The following TRIM66 variants were observed in gnomAD, a reference collection of about 807,000 sequenced individuals.
TRIM66 encodes the protein tripartite motif-containing protein 66.
In TRIM66, 99 loss-of-function variants were observed where a neutral mutation model predicts 148.2. The observed-to-expected ratio is 0.67, with a 90% CI of 0.57 to 0.79. TRIM66 has a LOEUF of 0.79. Ranked by LOEUF, TRIM66 falls within the 30% of genes least tolerant of loss-of-function variation. The probability of loss-of-function intolerance (pLI) is 0.00; values close to 1 mark genes in which losing one functional copy is unlikely to be tolerated. For synonymous variants in TRIM66, 616 were observed against 635.9 expected (o/e 0.97, Z 0.47); for missense variants, 1,666 against 1,697.9 (o/e 0.98, Z 0.33).
Position 8,646,511 on chromosome 11 carries a change from A to T in TRIM66, c.893T>A (p.Met298Lys). The T allele has an allele frequency of 6.4e-7, 1 of 1,552,144 alleles. No homozygotes were observed. The highest frequency in any genetic ancestry group is 8.7e-7 in the Non-Finnish European group (1 of 1,147,080). ...CTCATTCATCAGAACCATCTTGGCC[A>T]TTTTGATCTGGTTTTCCACCTTCCT... ...QHRKVENQIK[M>K]AKMVLMNELN... The change falls in exon 11 of 25, where the codon ATG (methionine) becomes AAG (lysine). Residue 298 changes from methionine to lysine, a missense_variant. Coordinates refer to ENST00000646038, the MANE Select transcript of TRIM66 (RefSeq NM_001388022.1).
intron 18 of TRIM66, among the ~76,000 whole-genome samples, chr11:8,622,355 C>CATATATATATATATAT (rs1402167348): frequency 1.9e-5 from 1 of 53,220 alleles, no homozygotes; most frequent in Non-Finnish European, 5.2e-5. Flanking sequence ...CACACACACA[C>CATATATATATATATAT]ACACACACAC....
intron 3 of TRIM66, among the ~76,000 whole-genome samples, chr11:8,677,432 A>G (rs2039226781): frequency 6.6e-6 from 1 of 152,196 alleles, no homozygotes; most frequent in Admixed American, 6.5e-5. Context: ...TACAGACAAG[A>G]AAACAGATTC....
At position 8,617,777 on chromosome 11, in the gene TRIM66, C is replaced by T. The variant is rs1039080735; in HGVS notation, c.*167G>A. 1.2e-5 allele frequency: 8 copies of T among 641,926 alleles called. No homozygotes were observed. Among genetic ancestry groups the T allele is most frequent in the African/African-American group, 3.7e-5 (2 of 54,624 alleles). The allele number at this position is 641,926 out of a possible 1,614,324, so 39.8% of individuals were successfully genotyped here. Reference sequence around the variant, plus strand: ...AATCTTCTCTGTAGTGGATGTACTACGGCTCCCAAATAAATGCTGTAGATG... The same window carrying T: ...AATCTTCTCTGTAGTGGATGTACTATGGCTCCCAAATAAATGCTGTAGATG... On this transcript the variant is annotated 3_prime_UTR_variant, in exon 25 of 25. Transcript: ENST00000646038.
chr11:8,646,758 T>C (rs568927849), intron 10 of TRIM66, among the ~76,000 whole-genome samples, 197 bp from the exon 11 acceptor site: 251 of 152,240 alleles, frequency 1.6e-3, no homozygotes, highest in Non-Finnish European at 3.0e-3. Context: ...AAGTTCAGCT[T>C]GGTTTTCTCT....
intron 6 of TRIM66, among the ~76,000 whole-genome samples, chr11:8,662,606 T>G (rs2038335762): frequency 6.6e-6 from 1 of 152,156 alleles, no homozygotes; most frequent in Non-Finnish European, 1.5e-5. Context: ...AGTGTCCAGG[T>G]GAGCTCTAGG....
chr11:8,624,348 T>C lies in TRIM66; in HGVS notation c.3019+11A>G. 3 of 1,549,236 alleles carry C rather than the reference T, an allele frequency of 1.9e-6. No homozygotes were observed. Among genetic ancestry groups the C allele is most frequent in the Non-Finnish European group, 2.6e-6 (3 of 1,146,506 alleles). ...GTGGCCAACATGAAGGGCAGGCTGC[T>C]TGAGTCTCACCTTTTGGGTTCTGGT... is the stretch of plus-strand genomic sequence containing the variant. On this transcript the variant is annotated intron_variant, in intron 17 of 24. Transcript: ENST00000646038.
Position 8,650,132 on chromosome 11 carries a change from G to A in TRIM66, c.445-245C>T, listed in dbSNP as rs146271941. Among the ~76,000 whole-genome samples, 21 of 152,200 alleles carry A rather than the reference G, an allele frequency of 1.4e-4. No homozygotes were observed. In the East Asian group the frequency reaches 3.7e-3, roughly 27 times the overall value. Reference sequence around the variant, plus strand: ...TCACACCTGTAACCCCAGTACTTTGGGAGGCCAAGGCAGGAGGAGTGCTTG... The same window carrying A: ...TCACACCTGTAACCCCAGTACTTTGAGAGGCCAAGGCAGGAGGAGTGCTTG... On this transcript the variant is annotated intron_variant, in intron 7 of 24. Transcript: ENST00000646038.
chr11:8,683,038 C>G (rs1281106539), upstream of TRIM66: 6 of 849,768 alleles, frequency 7.1e-6, no homozygotes, highest in South Asian at 1.7e-5. Context: ...CCTGCGCTAC[C>G]GTGGTGAGAC....
At chr11:8,670,749 T>G (rs755902311) in intron 6 of TRIM66, among the ~76,000 whole-genome samples, 1 of 152,224 alleles carries the variant, frequency 6.6e-6, no homozygotes, top group Non-Finnish European at 1.5e-5. Context: ...ACTAAGTTTA[T>G]GTTTAAAAAT....
At chr11:8,648,850 C>A (rs2037097022) in intron 8 of TRIM66, among the ~76,000 whole-genome samples, 1 of 152,222 alleles carries the variant, frequency 6.6e-6, no homozygotes, top group Non-Finnish European at 1.5e-5. Context: ...ATAATGAATC[C>A]TTCACAATTA....
chr11:8,632,490 C>CTGTG (rs2035506156), intron 15 of TRIM66, among the ~76,000 whole-genome samples: 1 of 117,198 alleles, frequency 8.5e-6, no homozygotes, highest in Admixed American at 1.1e-4. Flanking sequence ...GATTCTTACT[C>CTGTG]TGTGGGCCAG....
rs549279953 is a variant in TRIM66, at chr11:8,653,794, AAAAAG to A, written c.341-1896_341-1892del. On this transcript the variant is annotated intron_variant, in intron 6 of 24. Transcript: ENST00000646038. ...AATACTCCCTCACCCCACCAAAAAA[AAAAAG>A]AAAAGAAAAGAAAAGAAAAACTTTC... 3.0e-4 allele frequency among the ~76,000 whole-genome samples: 45 copies of A among 152,190 alleles called. No individual in the cohort carries two copies. In the East Asian group the frequency reaches 4.8e-3, roughly 16 times the overall value.
At chr11:8,644,553 G>A in intron 12 of TRIM66, 2 of 374,106 alleles carry the variant, frequency 5.3e-6, no homozygotes, top group Non-Finnish European at 5.2e-6. Flanking sequence ...CGAAGGGACT[G>A]TCCTTGTGTT....
At chr11:8,652,435 G>GTACA (rs1565543445) in intron 6 of TRIM66, among the ~76,000 whole-genome samples, 1 of 152,130 alleles carries the variant, frequency 6.6e-6, no homozygotes, top group Non-Finnish European at 1.5e-5. Context: ...TTTTCTCTTA[G>GTACA]TACAGCATAT....
intron 6 of TRIM66, among the ~76,000 whole-genome samples, chr11:8,655,426 T>C (rs138603159): frequency 1.5e-4 from 23 of 152,230 alleles, no homozygotes; most frequent in African/African-American, 5.5e-4. Flanking sequence ...AATGAGGGAA[T>C]AGGAATGCAG....
Position 8,622,931 on chromosome 11 carries a change from G to A in TRIM66, c.3020-55C>T, listed in dbSNP as rs1338645098. 47 of 1,432,210 alleles carry A rather than the reference G, an allele frequency of 3.3e-5. 1 individual carries two copies. Among genetic ancestry groups the A allele is most frequent in the Admixed American group, 2.6e-4 (13 of 50,868 alleles). The allele number at this position is 1,432,210 out of a possible 1,614,324, so 88.7% of individuals were successfully genotyped here. Reference sequence around the variant, plus strand: ...ACACACATTTGTGGCAACAAACCCCGTCATGCATATCTTCTACTTATATCT... The same window carrying A: ...ACACACATTTGTGGCAACAAACCCCATCATGCATATCTTCTACTTATATCT... On this transcript the variant is annotated intron_variant, in intron 17 of 24. Coordinates refer to ENST00000646038, the MANE Select transcript of TRIM66 (RefSeq NM_001388022.1).
At chr11:8,642,688 CGGAGAGCAG>C (rs745664386) in intron 13 of TRIM66, among the ~76,000 whole-genome samples, 1 of 151,602 alleles carries the variant, frequency 6.6e-6, no homozygotes, top group African/African-American at 2.4e-5. Flanking sequence ...TACAGCATTC[CGGAGAGCAG>C]GGTGACTGTC....
chr11:8,683,005 C>G (rs539346561), upstream of TRIM66: 106 of 892,796 alleles, frequency 1.2e-4, 1 homozygote, highest in South Asian at 1.7e-3. Flanking sequence ...GCCCGCGGTT[C>G]GGATCTCTAG....
intron 18 of TRIM66, 122 bp from the exon 19 acceptor site, chr11:8,621,941 G>T: frequency 9.8e-7 from 1 of 1,019,552 alleles, no homozygotes; most frequent in Non-Finnish European, 1.4e-6. Flanking sequence ...TTGGATTGAA[G>T]GATACAAAGT....
Sources: allele counts gnomAD v4.1 joint callset (sites outside exome capture counted in the v4.1 genomes callset), GRCh38; gene constraint gnomAD v4.1.1; transcripts MANE v1.5; gene names NCBI Gene and HGNC (gene_info 2026-07-23, HGNC 2026-07-21).